The following MDGA2 variants were observed in gnomAD, a reference collection of about 807,000 sequenced individuals.
The protein encoded by MDGA2 is MAM domain containing glycosylphosphatidylinositol anchor 2.
Under a neutral mutation model 117.8 loss-of-function variants are expected in MDGA2, and 40 were observed. The observed-to-expected ratio is 0.34, with a 90% CI of 0.26 to 0.44. The LOEUF is 0.44. Ranked by LOEUF, MDGA2 falls within the 20% of genes least tolerant of loss-of-function variation. MDGA2 has a pLI of 1.00. For missense variants in MDGA2, 1,123 were observed against 1,250.6 expected (o/e 0.90, Z 1.54); for synonymous variants, 452 against 439.0 (o/e 1.03, Z -0.37).
At chr14:46,854,726 G>A (rs983237223) in intron 15 of MDGA2, among the ~76,000 whole-genome samples, 15 of 151,360 alleles carry the variant, frequency 9.9e-5, no homozygotes, top group African/African-American at 3.6e-4. Flanking sequence ...TTTTTTCAGG[G>A]AGTAAAATAT....
intron 3 of MDGA2, among the ~76,000 whole-genome samples, chr14:47,187,644 T>A (rs564839691): frequency 6.6e-6 from 1 of 152,158 alleles, no homozygotes; most frequent in Admixed American, 6.6e-5. Flanking sequence ...ATATGTTGAT[T>A]GTTTCCTCTT....
At chr14:47,210,229 C>T (rs948696409) in intron 3 of MDGA2, among the ~76,000 whole-genome samples, 3 of 152,118 alleles carry the variant, frequency 2.0e-5, no homozygotes, top group Non-Finnish European at 4.4e-5. Context: ...AGCAATCTAC[C>T]TAAGTGACAT....
intron 9 of MDGA2, among the ~76,000 whole-genome samples, chr14:46,949,038 C>T (rs1223902350): frequency 6.6e-6 from 1 of 151,996 alleles, no homozygotes; most frequent in Non-Finnish European, 1.5e-5. Flanking sequence ...TATGATCATA[C>T]TGCTTTGTTT....
chr14:47,219,888 ACT>A (rs1187704943), intron 2 of MDGA2, among the ~76,000 whole-genome samples: 3 of 152,124 alleles, frequency 2.0e-5, no homozygotes, highest in Admixed American at 6.5e-5. Context: ...AACATACAAA[ACT>A]CTGTAAATGG....
intron 2 of MDGA2, among the ~76,000 whole-genome samples, chr14:47,249,088 G>T (rs544149402): frequency 1.2e-3 from 178 of 151,370 alleles, no homozygotes; most frequent in Admixed American, 4.5e-3. Flanking sequence ...TGCGATCTCG[G>T]CTCACTGCAA....
chr14:46,998,402 T>C (rs1454826681), intron 8 of MDGA2, among the ~76,000 whole-genome samples: 2 of 152,144 alleles, frequency 1.3e-5, no homozygotes, highest in African/African-American at 2.4e-5. Context: ...TATATAAACA[T>C]ACGTATTAGA....
chr14:47,453,307 TA>T (rs1465194910), intron 1 of MDGA2, among the ~76,000 whole-genome samples: 2 of 152,120 alleles, frequency 1.3e-5, no homozygotes, highest in Non-Finnish European at 2.9e-5. Context: ...TATTTAAATA[TA>T]AAAATTTTCC....
chr14:47,585,392 C>A (rs1055578647), intron 1 of MDGA2, among the ~76,000 whole-genome samples: 1 of 151,802 alleles, frequency 6.6e-6, no homozygotes, highest in African/African-American at 2.4e-5. Flanking sequence ...CTGATAACAA[C>A]AAAAAAACTT....
chr14:47,068,653 G>C (rs1890169874), intron 6 of MDGA2, among the ~76,000 whole-genome samples: 1 of 151,960 alleles, frequency 6.6e-6, no homozygotes, highest in Non-Finnish European at 1.5e-5. Context: ...TGAGAAATGA[G>C]AATGTGTTCA....
At chr14:47,313,096 C>G (rs907374061) in intron 1 of MDGA2, among the ~76,000 whole-genome samples, 1 of 151,792 alleles carries the variant, frequency 6.6e-6, no homozygotes, top group Non-Finnish European at 1.5e-5. Flanking sequence ...GATTCTCACA[C>G]CAAAATTTGC....
chr14:47,571,639 C>T (rs1401841474), intron 1 of MDGA2, among the ~76,000 whole-genome samples: 1 of 150,576 alleles, frequency 6.6e-6, no homozygotes, highest in Non-Finnish European at 1.5e-5. Context: ...TCATTCTCAG[C>T]AAACTAACAC....
At chr14:47,519,610 T>A (rs1269786884) in intron 1 of MDGA2, among the ~76,000 whole-genome samples, 1 of 152,216 alleles carries the variant, frequency 6.6e-6, no homozygotes, top group African/African-American at 2.4e-5. Context: ...CAAGTTTTTA[T>A]TTGATTATTT....
intron 1 of MDGA2, among the ~76,000 whole-genome samples, chr14:47,382,614 C>T (rs1473398437): frequency 6.6e-6 from 1 of 152,218 alleles, no homozygotes; most frequent in African/African-American, 2.4e-5. Context: ...TGTTCATCAT[C>T]ACTGGCCATC....
At chr14:46,940,486 G>A (rs1163728027) in intron 9 of MDGA2, among the ~76,000 whole-genome samples, 2 of 151,968 alleles carry the variant, frequency 1.3e-5, no homozygotes, top group African/African-American at 4.8e-5. Context: ...AAACTGGCCA[G>A]GCATGATGGC....
At position 47,078,240 on chromosome 14, in the gene MDGA2, A is replaced by T. The variant is rs1890568051; in HGVS notation, c.1196-16662T>A. ...TAAGGTCTACTAAAGATTCTGATTC[A>T]TCCTTCAGAATGAGATCTACTGACC... On this transcript the variant is annotated intron_variant, in intron 6 of 16. Coordinates refer to ENST00000399232, the MANE Select transcript of MDGA2 (RefSeq NM_001113498.3). Among the ~76,000 whole-genome samples the T allele has an allele frequency of 2.6e-5, 4 of 152,122 alleles. No homozygotes were observed. In the South Asian group the frequency reaches 8.3e-4, roughly 32 times the overall value.
chr14:47,098,005 C>T (rs1594617285), intron 5 of MDGA2, among the ~76,000 whole-genome samples: 4 of 151,686 alleles, frequency 2.6e-5, no homozygotes, highest in African/African-American at 7.3e-5. Flanking sequence ...CTTACACTGC[C>T]GTGCTAGCCT....
At chr14:47,544,709 A>G (rs954712768) in intron 1 of MDGA2, among the ~76,000 whole-genome samples, 3 of 152,164 alleles carry the variant, frequency 2.0e-5, no homozygotes, top group African/African-American at 7.2e-5. Context: ...TCTTCCCACA[A>G]GAGGTGAGGT....
intron 2 of MDGA2, among the ~76,000 whole-genome samples, chr14:47,281,788 G>C (rs1888498893): frequency 6.6e-6 from 1 of 152,116 alleles, no homozygotes; most frequent in African/African-American, 2.4e-5. Flanking sequence ...TAGGCACAGT[G>C]ACTCATGCCT....
chr14:47,329,414 T>C (rs953761470), intron 1 of MDGA2, among the ~76,000 whole-genome samples: 6 of 152,082 alleles, frequency 3.9e-5, no homozygotes, highest in African/African-American at 1.4e-4. Flanking sequence ...ATCACTCTAA[T>C]AGGGAGGGCC....
Sources: gnomAD v4.1 joint callset for allele counts (sites outside exome capture counted in the v4.1 genomes callset) on GRCh38, gnomAD v4.1.1 for gene constraint, MANE v1.5 for transcripts, NCBI Gene and HGNC (gene_info 2026-07-23, HGNC 2026-07-21) for gene names.